SEMA3A: variants seen among roughly 807,000 people sequenced by gnomAD.
SEMA3A encodes semaphorin-3A.
Under a neutral mutation model 97.9 loss-of-function variants are expected in SEMA3A, and 29 were observed. The ratio of observed to expected loss-of-function variants is 0.30; its 90% CI spans 0.22 to 0.40. The LOEUF (loss-of-function observed/expected upper bound fraction) is 0.40, where lower values mean the gene tolerates loss of function less well. SEMA3A is among the 10% of genes least tolerant of loss of function. The pLI, the probability that SEMA3A is intolerant of heterozygous loss-of-function variation, is 1.00. For synonymous variants in SEMA3A, 321 were observed against 323.7 expected, an observed-to-expected ratio of 0.99 and a Z score of 0.09; for missense variants, 763 against 951.3, an observed-to-expected ratio of 0.80 and a Z score of 2.60.
chr7:84,072,529 T>C (rs1308269554), intron 4 of SEMA3A, among the ~76,000 whole-genome samples: 2 of 152,154 alleles, frequency 1.3e-5, no homozygotes, highest in Non-Finnish European at 2.9e-5. Context: ...AAATATATAA[T>C]TTATTTTTGA....
chr7:84,009,561 TTTTTC>T (rs2116408510), intron 9 of SEMA3A, among the ~76,000 whole-genome samples: 1 of 152,318 alleles, frequency 6.6e-6, no homozygotes, highest in East Asian at 1.9e-4. Flanking sequence ...TTTTTAATTA[TTTTTC>T]TTTTAACATT....
intron 1 of SEMA3A, among the ~76,000 whole-genome samples, chr7:84,389,688 CT>C (rs1417978224): frequency 2.6e-5 from 4 of 152,006 alleles, no homozygotes; most frequent in Non-Finnish European, 4.4e-5. Flanking sequence ...TAGTTAGAAG[CT>C]TTAAAGTAGC....
At chr7:83,972,705 A>G (rs984375632) in intron 15 of SEMA3A, among the ~76,000 whole-genome samples, 2 of 152,102 alleles carry the variant, frequency 1.3e-5, no homozygotes, top group African/African-American at 4.8e-5. Context: ...CTTTTAAAAA[A>G]ATCTTAGTTT....
At chr7:84,454,210 T>A (rs577691886) in intron 1 of SEMA3A, among the ~76,000 whole-genome samples, 1 of 152,352 alleles carries the variant, frequency 6.6e-6, no homozygotes, top group East Asian at 1.9e-4. Flanking sequence ...TTCTCTCTTT[T>A]GCCATTTTTT....
chr7:84,456,185 T>C (rs975283551), intron 1 of SEMA3A, among the ~76,000 whole-genome samples: 1 of 151,796 alleles, frequency 6.6e-6, no homozygotes, highest in Non-Finnish European at 1.5e-5. Context: ...AAAGAAAATA[T>C]CCTCCTTTTT....
At chr7:84,081,320 C>CAA (rs1438755114) in intron 4 of SEMA3A, among the ~76,000 whole-genome samples, 1 of 151,942 alleles carries the variant, frequency 6.6e-6, no homozygotes, top group Non-Finnish European at 1.5e-5. Flanking sequence ...GGGCCGGGCG[C>CAA]GGTGGCTCAT....
chr7:84,131,297 T>G (rs920732204), intron 2 of SEMA3A, among the ~76,000 whole-genome samples: 2 of 152,140 alleles, frequency 1.3e-5, no homozygotes, highest in Non-Finnish European at 2.9e-5. Context: ...TGGATGGATT[T>G]GTTTAACTGT....
rs752729583 is a variant in SEMA3A at position 84,008,490 on chromosome 7, CAAAAAAAA to C, written c.996-1001_996-994del. Among the ~76,000 whole-genome samples, 348 of 81,178 alleles carry C rather than the reference CAAAAAAAA, an allele frequency of 4.3e-3. 3 individuals carry two copies. The highest frequency in any genetic ancestry group is 0.014 in the African/African-American group (334 of 23,822). 53.3% of individuals were successfully genotyped at this position (81,178 alleles called of 152,430 possible). ...TGGGCTACAGAACAAGACTCCGTCT[CAAAAAAAA>C]AAAAAAAAAAGAAAGAAAAAGAAAT... On this transcript the variant is annotated intron_variant, in intron 9 of 16. Transcript: ENST00000265362.
chr7:84,445,493 CAAAAAAAAAAA>C (rs61298477), intron 1 of SEMA3A, among the ~76,000 whole-genome samples: 8 of 27,556 alleles, frequency 2.9e-4, no homozygotes, highest in South Asian at 2.3e-3. Context: ...GACTCCATCT[CAAAAAAAAAAA>C]AAAAAAAAAA....
chr7:84,405,875 A>C (rs1368596914), intron 1 of SEMA3A, among the ~76,000 whole-genome samples: 1 of 152,192 alleles, frequency 6.6e-6, no homozygotes, highest in South Asian at 2.1e-4. Context: ...AACATACCAG[A>C]ATCTCTGGGA....
At chr7:84,260,556 C>T (rs1799825068) in intron 3 of SEMA3A, among the ~76,000 whole-genome samples, 1 of 152,210 alleles carries the variant, frequency 6.6e-6, no homozygotes, top group Non-Finnish European at 1.5e-5. Context: ...TGTCTGGCCT[C>T]TCCCCACTCC....
intron 4 of SEMA3A, among the ~76,000 whole-genome samples, chr7:84,066,506 G>A (rs996357438): frequency 4.1e-5 from 6 of 148,032 alleles, no homozygotes; most frequent in Non-Finnish European, 8.9e-5. Context: ...CGACATGATC[G>A]TATATCTAGA....
chr7:84,160,211 AACT>A (rs1796981946), intron 1 of SEMA3A, among the ~76,000 whole-genome samples: 1 of 150,174 alleles, frequency 6.7e-6, no homozygotes, highest in Non-Finnish European at 1.5e-5. Context: ...GATTAAAAAA[AACT>A]ATCAATCTGT....
At chr7:84,292,527 T>C (rs1800775165) in intron 3 of SEMA3A, among the ~76,000 whole-genome samples, 1 of 151,778 alleles carries the variant, frequency 6.6e-6, no homozygotes. Flanking sequence ...ACTCAAAACA[T>C]GTAAGAGAAG....
intron 2 of SEMA3A, among the ~76,000 whole-genome samples, chr7:84,364,126 A>AT (rs1425585007): frequency 4.0e-5 from 6 of 151,714 alleles, no homozygotes; most frequent in Admixed American, 1.3e-4. Context: ...AAATGACATA[A>AT]TAAATATATA....
intron 12 of SEMA3A, among the ~76,000 whole-genome samples, chr7:83,993,454 C>A (rs1267922038): frequency 6.6e-6 from 1 of 151,394 alleles, no homozygotes; most frequent in Non-Finnish European, 1.5e-5. Flanking sequence ...TGGCTGGTAC[C>A]GGTTTTTCCT....
chr7:84,440,669 A>T (rs1805250175), intron 1 of SEMA3A, among the ~76,000 whole-genome samples: 1 of 152,210 alleles, frequency 6.6e-6, no homozygotes, highest in African/African-American at 2.4e-5. Flanking sequence ...TGAGAAGACC[A>T]TAAGTTTATA....
Position 83,996,504 on chromosome 7 carries a change from T to A in SEMA3A, c.1452+5451A>T, listed in dbSNP as rs187524579. 5.9e-5 allele frequency among the ~76,000 whole-genome samples: 9 copies of A among 152,226 alleles called. No homozygotes were observed. In the East Asian group the frequency reaches 1.4e-3, roughly 23 times the overall value. On this transcript the variant is annotated intron_variant, in intron 12 of 16. Transcript: ENST00000265362. ...TGTTAGTAGAGACGGGGTTTCATTA[T>A]GTTGGTCAGGCTGGTCTCAAACTCC...
At chr7:84,004,733 A>G (rs1790596880) in intron 11 of SEMA3A, among the ~76,000 whole-genome samples, 1 of 152,206 alleles carries the variant, frequency 6.6e-6, no homozygotes, top group Non-Finnish European at 1.5e-5. Flanking sequence ...TTAAATTAGT[A>G]TGTCTCAACT....
Sources: allele counts gnomAD v4.1 joint callset (sites outside exome capture counted in the v4.1 genomes callset), GRCh38; gene constraint gnomAD v4.1.1; transcripts MANE v1.5; gene names NCBI Gene and HGNC (gene_info 2026-07-23, HGNC 2026-07-21).